The following HS6ST2 variants were observed in gnomAD, a reference collection of about 807,000 sequenced individuals.
The protein encoded by HS6ST2 is heparan sulfate 6-O-sulfotransferase 2, also known as heparan-sulfate 6-O-sulfotransferase 2.
In HS6ST2, 17 loss-of-function variants were observed where a neutral mutation model predicts 33.0. The observed-to-expected ratio is 0.52, with a 90% CI of 0.35 to 0.77. The LOEUF (loss-of-function observed/expected upper bound fraction) is 0.77. HS6ST2 is among the 30% of genes least tolerant of loss of function. The pLI, the probability that HS6ST2 is intolerant of heterozygous loss-of-function variation, is 0.01. For synonymous variants in HS6ST2, 248 were observed against 237.1 expected (o/e 1.05, Z -0.42); for missense variants, 519 against 551.7 (o/e 0.94, Z 0.59).
intron 4 of HS6ST2, among the ~76,000 whole-genome samples, chrX:132,664,240 A>C (rs2063794766): frequency 9.0e-6 from 1 of 111,271 alleles, no homozygotes; most frequent in African/African-American, 3.3e-5. Flanking sequence ...TGATCTCCTG[A>C]CCTCATGGTC....
intron 3 of HS6ST2, among the ~76,000 whole-genome samples, chrX:132,672,979 C>T (rs2063896265): frequency 8.9e-6 from 1 of 111,978 alleles, no homozygotes. Flanking sequence ...CATATAGAAA[C>T]TTCTGCATCT....
At chrX:132,629,942 G>A (rs2063506267) in intron 4 of HS6ST2, among the ~76,000 whole-genome samples, 1 of 112,593 alleles carries the variant, frequency 8.9e-6, no homozygotes, top group Non-Finnish European at 1.9e-5. Context: ...GTGGATGTCA[G>A]CAAGTGTGGA....
chrX:132,867,859 T>C (rs1287602923), intron 2 of HS6ST2, among the ~76,000 whole-genome samples: 2 of 111,668 alleles, frequency 1.8e-5, no homozygotes, highest in Non-Finnish European at 3.8e-5. Context: ...ATCGACACTA[T>C]GAAGAAACTG....
intron 2 of HS6ST2, among the ~76,000 whole-genome samples, chrX:132,946,977 T>C (rs1041551267): frequency 9.0e-6 from 1 of 111,418 alleles, no homozygotes; most frequent in African/African-American, 3.3e-5. Context: ...CGGTGAAGGA[T>C]TGGTAATACT....
intron 2 of HS6ST2, among the ~76,000 whole-genome samples, chrX:132,709,230 C>T (rs2064209339): frequency 8.9e-6 from 1 of 112,349 alleles, no homozygotes; most frequent in South Asian, 3.7e-4. Flanking sequence ...AGGTCAGTTG[C>T]TAATTTGAGG....
intron 2 of HS6ST2, among the ~76,000 whole-genome samples, chrX:132,740,037 C>A (rs894997085): frequency 4.5e-5 from 5 of 110,932 alleles, no homozygotes; most frequent in Non-Finnish European, 9.4e-5. Flanking sequence ...GGGGTCAAAG[C>A]GCATAGACAT....
chrX:132,736,157 G>A (rs2064508916), intron 2 of HS6ST2, among the ~76,000 whole-genome samples: 1 of 111,659 alleles, frequency 9.0e-6, no homozygotes, highest in Admixed American at 9.5e-5. Flanking sequence ...CTGCAACTGT[G>A]TTCTAAGCAA....
intron 3 of HS6ST2, 23 bp downstream of exon 3, chrX:132,708,439 A>G (rs1321019086): frequency 2.6e-6 from 3 of 1,134,102 alleles, no homozygotes; most frequent in Non-Finnish European, 3.5e-6. Context: ...GTTCAGTCAA[A>G]CTAAAAATAC....
chrX:132,817,485 C>T (rs1332788214), intron 2 of HS6ST2, among the ~76,000 whole-genome samples: 6 of 111,063 alleles, frequency 5.4e-5, no homozygotes, highest in Non-Finnish European at 1.1e-4. Flanking sequence ...AATGCCTATG[C>T]TTTGCCAAGC....
chrX:132,818,336 T>C (rs757917509), intron 2 of HS6ST2, among the ~76,000 whole-genome samples: 13 of 111,255 alleles, frequency 1.2e-4, no homozygotes, highest in Non-Finnish European at 1.7e-4. Context: ...TTAAGTTTTT[T>C]GAGCCTCAAT....
intron 2 of HS6ST2, among the ~76,000 whole-genome samples, chrX:132,726,077 G>T (rs755164356): frequency 9.0e-6 from 1 of 111,007 alleles, no homozygotes; most frequent in Non-Finnish European, 1.9e-5. Flanking sequence ...TAGAAAGAAT[G>T]AATAAGACCT....
intron 2 of HS6ST2, among the ~76,000 whole-genome samples, chrX:132,740,214 CTT>C (rs893816215): frequency 1.8e-5 from 2 of 112,377 alleles, no homozygotes; most frequent in African/African-American, 6.5e-5. Context: ...AATAATTTCT[CTT>C]GTTAGTTTTA....
At chrX:132,952,825 GACCT>G (rs986416518) in intron 2 of HS6ST2, among the ~76,000 whole-genome samples, 1 of 110,907 alleles carries the variant, frequency 9.0e-6, no homozygotes, top group Non-Finnish European at 1.9e-5. Context: ...CTAGCCACAA[GACCT>G]ACCCCTGGTG....
intron 3 of HS6ST2, among the ~76,000 whole-genome samples, chrX:132,684,247 A>G (rs1304854063): frequency 9.7e-6 from 1 of 103,312 alleles, no homozygotes; most frequent in Non-Finnish European, 2.0e-5. Context: ...ATATATACAC[A>G]CACACATATA....
chrX:132,646,535 T>TAA (rs34230779), intron 4 of HS6ST2, among the ~76,000 whole-genome samples: 1,797 of 67,183 alleles, frequency 0.027, 31 homozygotes, highest in Non-Finnish European at 0.034. Context: ...CCCTGTCTCT[T>TAA]AAAAAAAAAA....
At chrX:132,800,726 T>C (rs909075336) in intron 2 of HS6ST2, among the ~76,000 whole-genome samples, 28 of 111,605 alleles carry the variant, frequency 2.5e-4, no homozygotes, top group African/African-American at 8.8e-4. Flanking sequence ...GGTTTCTAAC[T>C]GGGTAACAGA....
At chrX:132,855,322 C>T (rs919811615) in intron 2 of HS6ST2, among the ~76,000 whole-genome samples, 4 of 112,135 alleles carry the variant, frequency 3.6e-5, no homozygotes, top group Admixed American at 1.9e-4. Flanking sequence ...CACCACAATC[C>T]TTCCAGATAG....
intron 2 of HS6ST2, among the ~76,000 whole-genome samples, chrX:132,859,946 A>G (rs1248756324): frequency 1.8e-5 from 2 of 108,139 alleles, no homozygotes; most frequent in African/African-American, 6.7e-5. Flanking sequence ...AGGGAGGGAA[A>G]AATGGCTCCT....
chrX:132,667,256 G>A (rs1262369699), intron 4 of HS6ST2, among the ~76,000 whole-genome samples: 2 of 111,514 alleles, frequency 1.8e-5, no homozygotes, highest in African/African-American at 6.5e-5. Context: ...AGAGGATGTC[G>A]GAGAACTTGT....
Sources: gnomAD v4.1 joint callset for allele counts (sites outside exome capture counted in the v4.1 genomes callset) on GRCh38, gnomAD v4.1.1 for gene constraint, MANE v1.5 for transcripts, NCBI Gene and HGNC (gene_info 2026-07-23, HGNC 2026-07-21) for gene names.